Variants in ECT2 observed in about 807,000 individuals in gnomAD.
ECT2 encodes epithelial cell transforming 2, also known as protein ECT2.
A neutral mutation model predicts 116.9 loss-of-function variants in ECT2; 61 were observed. The observed-to-expected ratio is 0.52, with a 90% CI of 0.42 to 0.65. ECT2 has a LOEUF of 0.65. ECT2 is among the 30% of genes least tolerant of loss of function. The probability of loss-of-function intolerance (pLI) is 0.00; values close to 1 mark genes in which losing one functional copy is unlikely to be tolerated. For missense variants in ECT2, 937 were observed against 1,078.7 expected (o/e 0.87, Z 1.84); for synonymous variants, 358 against 346.4 (o/e 1.03, Z -0.37).
Position 172,764,481 on chromosome 3 carries a change from G to A in ECT2, c.1272G>A (p.Glu424=). The change falls in exon 12 of 25, where the codon GAG becomes GAA. Residue 424 remains glutamate, a synonymous_variant. Coordinates refer to ENST00000392692, the MANE Select transcript of ECT2 (RefSeq NM_001258315.2). ...GSLLDISNTP[E]SSINYGDTPK... ...TCCTAGATATCTCCAACACACCAGA[G>A]TCTAGCATTAACTATGGAGGTAATT... 2 of 1,613,788 alleles carry A rather than the reference G, an allele frequency of 1.2e-6. No homozygotes were observed. The highest frequency in any genetic ancestry group is 1.7e-6 in the Non-Finnish European group (2 of 1,179,766).
At chr3:172,791,947 C>T (rs1421831816) in intron 18 of ECT2, among the ~76,000 whole-genome samples, 2 of 152,120 alleles carry the variant, frequency 1.3e-5, no homozygotes, top group South Asian at 2.1e-4. Flanking sequence ...ATGTGTGACT[C>T]CTCCTTTCAC....
At chr3:172,826,217 A>G (rs1275442391), downstream of ECT2, among the ~76,000 whole-genome samples, 1 of 152,174 alleles carries the variant, frequency 6.6e-6, no homozygotes, top group South Asian at 2.1e-4. Flanking sequence ...TCATAGCTAG[A>G]CAGAAGTCAA....
At chr3:172,776,444 GT>G (rs1279656212) in intron 14 of ECT2, among the ~76,000 whole-genome samples, 3 of 151,918 alleles carry the variant, frequency 2.0e-5, no homozygotes, top group Admixed American at 2.0e-4. Flanking sequence ...AAAATTTTGG[GT>G]TTTTTTCTTT....
intron 14 of ECT2, among the ~76,000 whole-genome samples, chr3:172,776,120 G>A (rs1361816234): frequency 6.7e-6 from 1 of 149,280 alleles, no homozygotes; most frequent in Non-Finnish European, 1.5e-5. Context: ...TCACCCTTTA[G>A]TTTTCTCAAG....
At chr3:172,824,890 CAAAA>C (rs71162316), downstream of ECT2, among the ~76,000 whole-genome samples, 70,021 of 150,876 alleles carry the variant, frequency 0.46, 18,863 homozygotes, top group East Asian at 0.67. Flanking sequence ...GCAAAACAAA[CAAAA>C]AAACTACATG....
At chr3:172,786,793 A>T (rs1356795209) in intron 18 of ECT2, among the ~76,000 whole-genome samples, 2 of 152,196 alleles carry the variant, frequency 1.3e-5, no homozygotes, top group Non-Finnish European at 2.9e-5. Context: ...GTGCACAGAG[A>T]ATAATAGTTT....
chr3:172,796,968 A>T (rs113254845), intron 18 of ECT2, among the ~76,000 whole-genome samples: 1,568 of 150,106 alleles, frequency 0.01, 34 homozygotes, highest in African/African-American at 0.036. Flanking sequence ...CTTATTTCTT[A>T]AGGTAGCATT....
intron 11 of ECT2, among the ~76,000 whole-genome samples, 171 bp downstream of exon 11, chr3:172,763,143 T>C (rs1419199677): frequency 6.6e-6 from 1 of 152,226 alleles, no homozygotes; most frequent in Non-Finnish European, 1.5e-5. Flanking sequence ...TTCAATGTAA[T>C]GTGTATTATT....
intron 24 of ECT2, chr3:172,818,858 A>C (rs767826845): frequency 4.4e-6 from 5 of 1,148,216 alleles, no homozygotes; most frequent in South Asian, 1.8e-5. Context: ...CGGGAAAAAA[A>C]AAAGGAACAT....
chr3:172,828,997 A>G, the ECT2 span: 2 of 1,039,626 alleles, frequency 1.9e-6, no homozygotes, highest in South Asian at 1.3e-5. Context: ...GTCCCAGGAG[A>G]CAACACTGGT....
intron 22 of ECT2, among the ~76,000 whole-genome samples, chr3:172,812,684 T>C (rs534699641): frequency 7.3e-4 from 111 of 152,304 alleles, no homozygotes; most frequent in African/African-American, 2.6e-3. Context: ...AATGACCAAA[T>C]CAGGGTAATT....
chr3:172,773,099 A>C (rs866454707), intron 13 of ECT2, among the ~76,000 whole-genome samples: 4 of 152,190 alleles, frequency 2.6e-5, no homozygotes, highest in Non-Finnish European at 5.9e-5. Flanking sequence ...TTTGATTGGC[A>C]CTAAATTTAT....
rs183795896 is a variant in ECT2, at chr3:172,808,749, T to G, written c.2400+825T>G. On this transcript the variant is annotated intron_variant, in intron 22 of 24. Coordinates refer to ENST00000392692, the MANE Select transcript of ECT2 (RefSeq NM_001258315.2). Reference sequence around the variant, plus strand: ...CAATGGTACTGTAACTGAGATTGCATTGGGTGTTTCTGTGGGAATGAAACA... The same window carrying G: ...CAATGGTACTGTAACTGAGATTGCAGTGGGTGTTTCTGTGGGAATGAAACA... Among the ~76,000 whole-genome samples, 29 of 152,304 alleles carry G rather than the reference T, an allele frequency of 1.9e-4. 1 individual carries two copies. Among genetic ancestry groups the G allele is most frequent in the Admixed American group, 1.7e-3 (26 of 15,294 alleles).
intron 22 of ECT2, among the ~76,000 whole-genome samples, chr3:172,808,670 A>G (rs934759019): frequency 6.6e-6 from 1 of 152,200 alleles, no homozygotes; most frequent in African/African-American, 2.4e-5. Flanking sequence ...CTCTTTGCAC[A>G]AATGACATAG....
Position 172,762,905 on chromosome 3 carries a change from C to G in ECT2, c.1006-5C>G. 1 of 1,613,588 alleles carries G rather than the reference C, an allele frequency of 6.2e-7. No homozygotes were observed. The highest frequency in any genetic ancestry group is 8.5e-7 in the Non-Finnish European group (1 of 1,179,716). On this transcript the variant is annotated splice_polypyrimidine_tract_variant and splice_region_variant and intron_variant, in intron 10 of 24. Transcript: ENST00000392692. ...GTTTATTAAAATGTTTTTTCTCTCA[C>G]CTAGTGGTTCTGGGGAAGCATTCAA...
chr3:172,813,395 G>C (rs977094258), intron 22 of ECT2, among the ~76,000 whole-genome samples: 1 of 151,988 alleles, frequency 6.6e-6, no homozygotes, highest in East Asian at 1.9e-4. Context: ...AGTGAGGCAG[G>C]ATAGATTCTT....
intron 16 of ECT2, among the ~76,000 whole-genome samples, chr3:172,784,201 T>TTTGAGAGACTGATGAGGGAGGATTGC (rs1723213870): frequency 6.6e-6 from 1 of 152,052 alleles, no homozygotes; most frequent in Non-Finnish European, 1.5e-5. Flanking sequence ...ATCTTAGCAC[T>TTTGAGAGACTGATGAGGGAGGATTGC]TTGAGAGACT....
intron 12 of ECT2, among the ~76,000 whole-genome samples, chr3:172,768,163 T>TC (rs1404801850): frequency 6.6e-6 from 1 of 152,206 alleles, no homozygotes; most frequent in African/African-American, 2.4e-5. Flanking sequence ...ATTGGGTTTT[T>TC]TGTGGGGGGG....
intron 13 of ECT2, among the ~76,000 whole-genome samples, chr3:172,769,888 C>A (rs1477325233): frequency 6.6e-6 from 1 of 152,032 alleles, no homozygotes; most frequent in African/African-American, 2.4e-5. Flanking sequence ...TAACACCAAG[C>A]TTATCTTTCA....
Sources: gnomAD v4.1 joint callset for allele counts (sites outside exome capture counted in the v4.1 genomes callset) on GRCh38, gnomAD v4.1.1 for gene constraint, MANE v1.5 for transcripts, NCBI Gene and HGNC (gene_info 2026-07-23, HGNC 2026-07-21) for gene names.